GALNT17: variants seen among roughly 807,000 people sequenced by gnomAD.
GALNT17 encodes the protein UDP-GalNAc:polypeptide N-acetylgalactosaminyltransferase-like 3.
GALNT17 carries 29 observed loss-of-function variants against 63.7 expected under a neutral mutation model. The ratio of observed to expected loss-of-function variants is 0.46; its 90% CI spans 0.34 to 0.62. The LOEUF is 0.62. GALNT17 is among the 20% of genes least tolerant of loss of function. GALNT17 has a pLI of 0.01. For synonymous variants in GALNT17, 305 were observed against 318.3 expected (o/e 0.96, Z 0.45); for missense variants, 603 against 799.6 (o/e 0.75, Z 2.97).
chr7:71,446,514 G>A (rs1787162592), intron 5 of GALNT17, among the ~76,000 whole-genome samples: 1 of 151,980 alleles, frequency 6.6e-6, no homozygotes, highest in Non-Finnish European at 1.5e-5. Flanking sequence ...TATTCTACAA[G>A]GCTCTACCTA....
chr7:71,286,721 G>A (rs1429827527), intron 1 of GALNT17, among the ~76,000 whole-genome samples: 1 of 151,798 alleles, frequency 6.6e-6, no homozygotes, highest in African/African-American at 2.4e-5. Flanking sequence ...TTGTAAAGGA[G>A]GGATTATCTC....
intron 5 of GALNT17, among the ~76,000 whole-genome samples, chr7:71,567,104 T>G (rs1277318763): frequency 6.6e-6 from 1 of 152,194 alleles, no homozygotes; most frequent in Non-Finnish European, 1.5e-5. Flanking sequence ...TTGTCCTGGC[T>G]TGGGATCAGT....
chr7:71,257,609 C>T (rs146232438), intron 1 of GALNT17, among the ~76,000 whole-genome samples: 4 of 152,294 alleles, frequency 2.6e-5, no homozygotes, highest in South Asian at 2.1e-4. Context: ...TTTAGTGTGA[C>T]GCTGAACCTC....
chr7:71,492,421 T>C (rs577975869), intron 5 of GALNT17, among the ~76,000 whole-genome samples: 1 of 152,310 alleles, frequency 6.6e-6, no homozygotes, highest in East Asian at 1.9e-4. Context: ...AGCCTCTCAC[T>C]TACACCCACC....
intron 3 of GALNT17, among the ~76,000 whole-genome samples, chr7:71,401,113 T>A: frequency 6.8e-6 from 1 of 146,712 alleles, no homozygotes; most frequent in East Asian, 2.0e-4. Context: ...TTTTTTTTTC[T>A]GAGACAGGTT....
chr7:71,697,636 C>G (rs1358998871), intron 9 of GALNT17, among the ~76,000 whole-genome samples: 1 of 152,164 alleles, frequency 6.6e-6, no homozygotes, highest in Non-Finnish European at 1.5e-5. Flanking sequence ...CAGTGAGCAT[C>G]ATCATACCAA....
chr7:71,429,823 C>T (rs1223637332), intron 5 of GALNT17, among the ~76,000 whole-genome samples: 1 of 152,212 alleles, frequency 6.6e-6, no homozygotes, highest in African/African-American at 2.4e-5. Flanking sequence ...TCTCCTACTG[C>T]AGCCTCCCAA....
intron 1 of GALNT17, among the ~76,000 whole-genome samples, chr7:71,193,290 G>C (rs117740925): frequency 6.6e-6 from 1 of 151,512 alleles, no homozygotes; most frequent in Non-Finnish European, 1.5e-5. Context: ...TGTAGAGGTG[G>C]GGTCTTGCTG....
chr7:71,443,728 C>CT (rs58018182), intron 5 of GALNT17, among the ~76,000 whole-genome samples: 22,012 of 145,012 alleles, frequency 0.15, 1,677 homozygotes, highest in Middle Eastern at 0.23. Context: ...TGAGGTGTTC[C>CT]TTTTTTTTTT....
chr7:71,488,836 C>A (rs1263533982), intron 5 of GALNT17, among the ~76,000 whole-genome samples: 1 of 149,916 alleles, frequency 6.7e-6, no homozygotes, highest in East Asian at 2.0e-4. Flanking sequence ...CCTGCCTCAA[C>A]CTCCCAAAGT....
intron 1 of GALNT17, among the ~76,000 whole-genome samples, chr7:71,237,921 G>A (rs892482847): frequency 1.3e-5 from 2 of 152,148 alleles, no homozygotes; most frequent in African/African-American, 4.8e-5. Flanking sequence ...GGGGGCACCC[G>A]TTTCTATCCT....
intron 1 of GALNT17, among the ~76,000 whole-genome samples, chr7:71,193,144 G>A (rs1442093579): frequency 2.6e-5 from 4 of 151,486 alleles, no homozygotes; most frequent in Non-Finnish European, 5.9e-5. Flanking sequence ...TGTTGCCCAG[G>A]CTGGAGTGCA....
At chr7:71,162,965 G>T (rs796179566) in intron 1 of GALNT17, among the ~76,000 whole-genome samples, 6 of 152,336 alleles carry the variant, frequency 3.9e-5, no homozygotes, top group African/African-American at 1.4e-4. Context: ...CACTGTGGAG[G>T]ACAAGTGTAG....
At chr7:71,655,880 G>T (rs986691839) in intron 6 of GALNT17, among the ~76,000 whole-genome samples, 4 of 152,080 alleles carry the variant, frequency 2.6e-5, no homozygotes, top group African/African-American at 9.7e-5. Flanking sequence ...AATCTAGCTC[G>T]TGTTGAGTTC....
chr7:71,154,829 G>C (rs1788204318), intron 1 of GALNT17, among the ~76,000 whole-genome samples: 1 of 151,810 alleles, frequency 6.6e-6, no homozygotes, highest in Non-Finnish European at 1.5e-5. Context: ...ACCCGCCTTG[G>C]CCTCCCAAAG....
chr7:71,371,636 C>G (rs1217420562), intron 2 of GALNT17, among the ~76,000 whole-genome samples: 2 of 152,124 alleles, frequency 1.3e-5, no homozygotes, highest in African/African-American at 4.8e-5. Context: ...TAAACTATTA[C>G]TTTTAAACTT....
chr7:71,424,775 T>A (rs1431861934), intron 5 of GALNT17, among the ~76,000 whole-genome samples: 1 of 152,214 alleles, frequency 6.6e-6, no homozygotes, highest in African/African-American at 2.4e-5. Context: ...ACATGGCAGT[T>A]TCTCTTTCTT....
At chr7:71,390,180 G>A (rs1032806934) in intron 3 of GALNT17, among the ~76,000 whole-genome samples, 39 of 152,184 alleles carry the variant, frequency 2.6e-4, no homozygotes, top group African/African-American at 8.7e-4. Flanking sequence ...TCATCGTGCT[G>A]GGTAGGAGAG....
At chr7:71,247,230 A>AT (rs1790114982) in intron 1 of GALNT17, among the ~76,000 whole-genome samples, 1 of 152,194 alleles carries the variant, frequency 6.6e-6, no homozygotes, top group Non-Finnish European at 1.5e-5. Context: ...AGAAGAGTGA[A>AT]AACATAATTA....
Sources: allele counts gnomAD v4.1 joint callset (sites outside exome capture counted in the v4.1 genomes callset), GRCh38; gene constraint gnomAD v4.1.1; transcripts MANE v1.5; gene names NCBI Gene and HGNC (gene_info 2026-07-23, HGNC 2026-07-21).